The following GOLM1 variants were observed in gnomAD, a reference collection of about 807,000 sequenced individuals.
The protein encoded by GOLM1 is epididymis luminal protein 46.
A neutral mutation model predicts 50.5 loss-of-function variants in GOLM1; 31 were observed. The observed-to-expected ratio is 0.61, with a 90% CI of 0.46 to 0.83. The LOEUF is 0.83. GOLM1 is among the 40% of genes least tolerant of loss of function. The pLI is 0.00. For missense variants in GOLM1, 491 were observed against 501.3 expected, an observed-to-expected ratio of 0.98 and a Z score of 0.20; for synonymous variants, 178 against 192.8, an observed-to-expected ratio of 0.92 and a Z score of 0.64.
intron 8 of GOLM1, 59 bp from the exon 9 acceptor site, chr9:86,033,454 T>C: frequency 9.6e-7 from 1 of 1,037,822 alleles, no homozygotes; most frequent in Non-Finnish European, 1.5e-6. Context: ...GTCACAGGAC[T>C]ATCAGAGCAC....
Position 86,053,340 on chromosome 9 carries a change from C to T in GOLM1, c.310-749G>A, listed in dbSNP as rs572272228. ...GCAGGCCACACACCACACTACACCA[C>T]GCCACAACTCCACACCACGTACCAC... On this transcript the variant is annotated intron_variant, in intron 3 of 9. Coordinates refer to ENST00000388712, the MANE Select transcript of GOLM1 (RefSeq NM_016548.4). 2.3e-3 allele frequency among the ~76,000 whole-genome samples: 265 copies of T among 115,760 alleles called. 5 individuals carry two copies. The highest frequency in any genetic ancestry group is 0.018 in the Admixed American group (199 of 11,108). 75.9% of individuals were successfully genotyped at this position (115,760 alleles called of 152,430 possible). A position where few individuals can be genotyped will look rare whatever the true frequency, so the allele number is the denominator to read the frequency against.
intron 4 of GOLM1, among the ~76,000 whole-genome samples, chr9:86,047,374 A>G (rs963017857): frequency 2.0e-5 from 3 of 152,214 alleles, no homozygotes; most frequent in Admixed American, 2.0e-4. Context: ...TAGACCTACA[A>G]TAGTCTCAGG....
intron 6 of GOLM1, among the ~76,000 whole-genome samples, chr9:86,040,497 G>A (rs1349886551): frequency 1.3e-5 from 2 of 152,120 alleles, no homozygotes; most frequent in African/African-American, 4.8e-5. Context: ...TCCCAGGCTG[G>A]CTGCGAGCTT....
At chr9:86,070,055 T>C (rs1834403735) in intron 3 of GOLM1, among the ~76,000 whole-genome samples, 1 of 151,936 alleles carries the variant, frequency 6.6e-6, no homozygotes, top group South Asian at 2.1e-4. Context: ...GGATAATTTT[T>C]TGTATTTTTG....
intron 8 of GOLM1, 46 bp from the exon 9 acceptor site, chr9:86,033,441 G>T: frequency 8.6e-7 from 1 of 1,161,832 alleles, no homozygotes; most frequent in Non-Finnish European, 1.3e-6. Flanking sequence ...TTTCTGTCTT[G>T]ATGTCACAGG....
At chr9:86,092,994 T>C (rs1180976407) in intron 1 of GOLM1, among the ~76,000 whole-genome samples, 1 of 152,218 alleles carries the variant, frequency 6.6e-6, no homozygotes, top group Non-Finnish European at 1.5e-5. Flanking sequence ...GCTTCCAACA[T>C]ACTGAAAATG....
intron 9 of GOLM1, 42 bp from the exon 10 acceptor site, chr9:86,027,935 G>A: frequency 1.6e-6 from 2 of 1,216,608 alleles, no homozygotes; most frequent in Non-Finnish European, 2.4e-6. Flanking sequence ...AGTATTAAAT[G>A]AGATACTAGC....
At chr9:86,064,432 C>T (rs898426470) in intron 3 of GOLM1, among the ~76,000 whole-genome samples, 1 of 152,174 alleles carries the variant, frequency 6.6e-6, no homozygotes, top group Non-Finnish European at 1.5e-5. Flanking sequence ...GGCTGCCTCC[C>T]AAATCTGCTC....
intron 3 of GOLM1, among the ~76,000 whole-genome samples, chr9:86,071,077 G>GTA (rs1165098161): frequency 1.9e-5 from 1 of 52,132 alleles, no homozygotes; most frequent in East Asian, 1.2e-3. Context: ...ATATATACAT[G>GTA]TACACACACA....
chr9:86,082,129 T>C (rs746037789), intron 1 of GOLM1, among the ~76,000 whole-genome samples: 55 of 146,342 alleles, frequency 3.8e-4, no homozygotes, highest in Non-Finnish European at 7.2e-4. Context: ...CCCAGGTTCA[T>C]GCCATTCTCC....
At chr9:86,061,463 C>T (rs191589901) in intron 3 of GOLM1, among the ~76,000 whole-genome samples, 9 of 152,002 alleles carry the variant, frequency 5.9e-5, no homozygotes, top group East Asian at 1.9e-4. Context: ...AAATGGCCTT[C>T]GAAGCTCACT....
chr9:86,048,915 A>G (rs560213919), intron 4 of GOLM1, among the ~76,000 whole-genome samples: 5 of 152,068 alleles, frequency 3.3e-5, no homozygotes, highest in Non-Finnish European at 7.4e-5. Context: ...TTCTGTTGCC[A>G]TTGCTTTTGG....
intron 2 of GOLM1, among the ~76,000 whole-genome samples, chr9:86,078,275 ACATT>A (rs1330709265): frequency 6.6e-6 from 1 of 152,246 alleles, no homozygotes; most frequent in Non-Finnish European, 1.5e-5. Flanking sequence ...AATTATTCTG[ACATT>A]CATTAAAATG....
At chr9:86,053,365 C>T (rs1564347147) in intron 3 of GOLM1, among the ~76,000 whole-genome samples, 1 of 79,980 alleles carries the variant, frequency 1.3e-5, no homozygotes, top group African/African-American at 4.6e-5. Context: ...CCACGTACCA[C>T]TCCACACCAC....
chr9:86,047,906 T>C (rs967318770), intron 4 of GOLM1, among the ~76,000 whole-genome samples: 1 of 152,140 alleles, frequency 6.6e-6, no homozygotes, highest in African/African-American at 2.4e-5. Context: ...TACTTTAAAT[T>C]CTAGGGTACA....
upstream of GOLM1, chr9:86,099,576 G>A (rs1835469387): frequency 1.4e-5 from 2 of 147,790 alleles, no homozygotes; most frequent in Admixed American, 1.3e-4. Context: ...GCAGCGGCAA[G>A]GCCCCGCCCC....
rs141326992 is a variant in GOLM1, at chr9:86,068,540, G to A, written c.309+8872C>T. ...GGTCCTGGCCCCTGCCCCTGCCCAG[G>A]TCTCAGGTGACAGCTGCACTTACTG... is the stretch of plus-strand genomic sequence containing the variant. On this transcript the variant is annotated intron_variant, in intron 3 of 9. Transcript: ENST00000388712. 2.2e-3 allele frequency among the ~76,000 whole-genome samples: 337 copies of A among 152,322 alleles called. 1 individual carries two copies. The Middle Eastern group carries it at 0.034, about 15-fold the overall frequency.
chr9:86,065,618 C>T (rs1489658052), intron 3 of GOLM1, among the ~76,000 whole-genome samples: 8 of 152,318 alleles, frequency 5.3e-5, no homozygotes, highest in East Asian at 1.9e-4. Flanking sequence ...TGGCAGCCCC[C>T]GGCAGCCCCA....
Position 86,035,844 on chromosome 9 carries a change from G to A in GOLM1, c.758-219C>T, listed in dbSNP as rs1344484578. ...GCCTGCAGCTCATCGTCAGAACCGC[G>A]ACAAAGGGAAAAGTAGCTTACCAAA... is the stretch of plus-strand genomic sequence containing the variant. On this transcript the variant is annotated intron_variant, in intron 7 of 9. Coordinates refer to ENST00000388712, the MANE Select transcript of GOLM1 (RefSeq NM_016548.4). Among the ~76,000 whole-genome samples the A allele has an allele frequency of 5.7e-5, 6 of 105,246 alleles. No individual in the cohort carries two copies. In the South Asian group the frequency reaches 8.6e-4, roughly 15 times the overall value. The allele number at this position is 105,246 out of a possible 152,430, so 69.0% of individuals were successfully genotyped here.
Sources: gnomAD v4.1 joint callset for allele counts (sites outside exome capture counted in the v4.1 genomes callset) on GRCh38, gnomAD v4.1.1 for gene constraint, MANE v1.5 for transcripts, NCBI Gene and HGNC (gene_info 2026-07-23, HGNC 2026-07-21) for gene names.